The following NCAPG variants were observed in gnomAD, a reference collection of about 807,000 sequenced individuals.
The protein encoded by NCAPG is non-SMC condensin I complex subunit G.
A neutral mutation model predicts 113.1 loss-of-function variants in NCAPG; 69 were observed. The observed-to-expected ratio is 0.61, with a 90% confidence interval of 0.50 to 0.75. NCAPG has a LOEUF of 0.75. Among genes scored for constraint, NCAPG ranks in the 30% least tolerant of loss-of-function variants. The pLI is 0.00. For synonymous variants in NCAPG, 370 were observed against 415.8 expected, an observed-to-expected ratio of 0.89 and a Z score of 1.34; for missense variants, 1,058 against 1,177.0, an observed-to-expected ratio of 0.90 and a Z score of 1.48.
At chr4:17,832,892 G>T (rs1234430399) in intron 13 of NCAPG, among the ~76,000 whole-genome samples, 2 of 152,082 alleles carry the variant, frequency 1.3e-5, no homozygotes, top group African/African-American at 4.8e-5. Flanking sequence ...GTCCCGTGTT[G>T]CTTCATAATG....
chr4:17,812,810 A>G (rs1449613153), intron 2 of NCAPG, 107 bp from the exon 3 acceptor site: 1 of 904,500 alleles, frequency 1.1e-6, no homozygotes, highest in Non-Finnish European at 1.7e-6. Context: ...CAGGAAATGA[A>G]TTGTTGTTGT....
chr4:17,828,563 T>A (rs954345488), intron 12 of NCAPG, among the ~76,000 whole-genome samples, 175 bp downstream of exon 12: 5 of 152,156 alleles, frequency 3.3e-5, no homozygotes, highest in Non-Finnish European at 7.4e-5. Context: ...TTAAATAAGA[T>A]GTCTGTAAAG....
chr4:17,833,706 T>C (rs1227549390), intron 13 of NCAPG, among the ~76,000 whole-genome samples: 4 of 151,954 alleles, frequency 2.6e-5, no homozygotes, highest in African/African-American at 9.7e-5. Context: ...TTTTTAAACT[T>C]AAGATAGACT....
intron 13 of NCAPG, among the ~76,000 whole-genome samples, chr4:17,833,001 A>G (rs1721922493): frequency 6.6e-6 from 1 of 152,188 alleles, no homozygotes; most frequent in African/African-American, 2.4e-5. Context: ...TTCTCAATTC[A>G]TTATTTACAG....
In NCAPG at chr4:17,840,686, T is replaced by TAACA. The variant is rs1222328568; in HGVS notation, c.2848_2851dup (p.Arg951LysfsTer12). 13 of 1,534,132 alleles carry TAACA rather than the reference T, an allele frequency of 8.5e-6. No individual in the cohort carries two copies. Among genetic ancestry groups the TAACA allele is most frequent in the African/African-American group, 5.6e-5 (4 of 71,174 alleles). ...CATCAAAGTCTACTCAGCTAAAGAC[T>TAACA]AACAGAGGTAGTGTGTGGATTGACC... On this transcript the variant is annotated frameshift_variant, in exon 19 of 21. Coordinates refer to ENST00000251496, the MANE Select transcript of NCAPG (RefSeq NM_022346.5). LOFTEE classifies it high-confidence loss of function.
chr4:17,812,883 A>C, intron 2 of NCAPG, 34 bp from the exon 3 acceptor site: 1 of 1,552,716 alleles, frequency 6.4e-7, no homozygotes, highest in Non-Finnish European at 8.9e-7. Flanking sequence ...GTGGTATGTG[A>C]CTATGAATAA....
At chr4:17,832,128 A>G (rs1241249134) in intron 13 of NCAPG, among the ~76,000 whole-genome samples, 1 of 152,156 alleles carries the variant, frequency 6.6e-6, no homozygotes, top group East Asian at 1.9e-4. Context: ...CATGTAATAC[A>G]TTTTTTTAAA....
At chr4:17,837,458 T>C (rs1722149692) in intron 15 of NCAPG, 118 bp downstream of exon 15, 2 of 1,236,926 alleles carry the variant, frequency 1.6e-6, no homozygotes, top group Non-Finnish European at 2.2e-6. Flanking sequence ...AGTAGATAAA[T>C]GATGAAATGA....
At chr4:17,833,483 T>TA (rs10681402) in intron 13 of NCAPG, among the ~76,000 whole-genome samples, 5,638 of 134,032 alleles carry the variant, frequency 0.042, 371 homozygotes, top group African/African-American at 0.16. Context: ...TATATATATA[T>TA]TTTTGTTGTT....
chr4:17,840,060 T>C lies in NCAPG; in HGVS notation c.2629-11T>C. Reference sequence around the variant, plus strand: ...GTGTTTACAAAATGTTAATAATGTTTTCTTTTATAGCAAGTAAAAGATAGG... The same window carrying C: ...GTGTTTACAAAATGTTAATAATGTTCTCTTTTATAGCAAGTAAAAGATAGG... On this transcript the variant is annotated splice_polypyrimidine_tract_variant and intron_variant, in intron 17 of 20. Coordinates refer to ENST00000251496, the MANE Select transcript of NCAPG (RefSeq NM_022346.5). 1 of 1,591,250 alleles carries C rather than the reference T, an allele frequency of 6.3e-7. No homozygotes were observed. The highest frequency in any genetic ancestry group is 8.5e-7 in the Non-Finnish European group (1 of 1,172,162).
intron 14 of NCAPG, among the ~76,000 whole-genome samples, chr4:17,835,492 C>G (rs772897308): frequency 4.3e-4 from 65 of 152,096 alleles, no homozygotes; most frequent in Non-Finnish European, 7.5e-4. Context: ...GTGCCTGGCC[C>G]AAACTAATAC....
rs1722132349 is a variant in NCAPG, at chr4:17,837,144, T to G, written c.2110-15T>G. On this transcript the variant is annotated splice_polypyrimidine_tract_variant and intron_variant, in intron 14 of 20. Transcript: ENST00000251496. ...ATACAAATAAATTTCTTCTAATGAA[T>G]GTCATCTTTGTTAGGTATCTGAACT... 6.2e-7 allele frequency: 1 copy of G among 1,609,396 alleles called. No homozygotes were observed. Among genetic ancestry groups the G allele is most frequent in the African/African-American group, 1.3e-5 (1 of 74,706 alleles).
chr4:17,811,026 G>T lies in NCAPG; in HGVS notation c.-52G>T. ...GCGCTGCCTCTGGGTTGGCGGGCTG[G>T]CAGGCTGTAGCCGAGCGCGGGCAGG... On this transcript the variant is annotated 5_prime_UTR_variant, in exon 1 of 21. Transcript: ENST00000251496. The surrounding 1 kb of genome is among the most constrained non-coding windows in gnomAD (Gnocchi z 5.3). 8.4e-7 allele frequency: 1 copy of T among 1,195,366 alleles called. No homozygotes were observed. The highest frequency in any genetic ancestry group is 1.1e-6 in the Non-Finnish European group (1 of 879,136). The allele number at this position is 1,195,366 out of a possible 1,614,324, so 74.0% of individuals were successfully genotyped here.
chr4:17,819,942 A>G (rs1356090529), intron 7 of NCAPG, among the ~76,000 whole-genome samples: 3 of 152,190 alleles, frequency 2.0e-5, no homozygotes, highest in African/African-American at 7.2e-5. Context: ...GTGTGAATCT[A>G]ATGAGCATTT....
At position 17,842,352 on chromosome 4, in the gene NCAPG, G is replaced by A; in HGVS notation, c.2897G>A (p.Cys966Tyr). The A allele has an allele frequency of 6.2e-7, 1 of 1,612,200 alleles. No individual in the cohort carries two copies. The highest frequency in any genetic ancestry group is 8.5e-7 in the Non-Finnish European group (1 of 1,178,546). Residue 966 changes from cysteine (C) to tyrosine (Y), a missense_variant, in exon 20 of 21, where the codon TGT (cysteine) becomes TAT (tyrosine). Coordinates refer to ENST00000251496, the MANE Select transcript of NCAPG (RefSeq NM_022346.5). ...VTVSARTNRRCQTAEADSESD... is the reference protein window; with the variant it reads ...VTVSARTNRRYQTAEADSESD... ...GTTTCAGCTAGGACGAACAGGAGGT[G>A]TCAGACTGCTGAAGCCGACTCTGAA...
Position 17,817,424 on chromosome 4 carries a change from G to C in NCAPG, c.939G>C (p.Leu313=). 1 of 1,613,972 alleles carries C rather than the reference G, an allele frequency of 6.2e-7. No individual in the cohort carries two copies. Among genetic ancestry groups the C allele is most frequent in the Non-Finnish European group, 8.5e-7 (1 of 1,179,930 alleles). The change falls in exon 6 of 21, where the codon CTG becomes CTC. Residue 313 remains leucine (L), a synonymous_variant. Coordinates refer to ENST00000251496, the MANE Select transcript of NCAPG (RefSeq NM_022346.5). ...ALFSITPLSE[L]VGLCKNNDGR... is the part of the protein sequence containing the mutation. ...TTTCAATAACTCCTCTCAGTGAACT[G>C]GTGGGACTCTGTAAAAACAATGATG...
At chr4:17,812,581 T>C (rs1217347708) in intron 2 of NCAPG, among the ~76,000 whole-genome samples, 157 bp downstream of exon 2, 1 of 152,214 alleles carries the variant, frequency 6.6e-6, no homozygotes, top group African/African-American at 2.4e-5. Context: ...ATTATCATTA[T>C]GATTAAAAAG....
Position 17,811,611 on chromosome 4 carries a change from A to C in NCAPG, c.111+423A>C, listed in dbSNP as rs1720956954. 6.6e-6 allele frequency among the ~76,000 whole-genome samples: 1 copy of C among 152,198 alleles called. No individual in the cohort carries two copies. Among genetic ancestry groups the C allele is most frequent in the Non-Finnish European group, 1.5e-5 (1 of 68,036 alleles). On this transcript the variant is annotated intron_variant, in intron 1 of 20. Transcript: ENST00000251496. This position sits in a 1 kb window ranked among gnomAD's most constrained non-coding sequence, Gnocchi z 5.3. ...GGGTCATCGCTCCCCGCCGAACATC[A>C]AATGATTCTACCCTTGTCCTACGGT...
chr4:17,842,406 G>A (rs17585261), intron 20 of NCAPG, 27 bp downstream of exon 20: 725,826 of 1,581,588 alleles, frequency 0.46, 173,414 homozygotes, highest in East Asian at 0.78. Context: ...TAGAATATAT[G>A]GAGGCCTATC....
Sources: gnomAD v4.1 joint callset for allele counts (sites outside exome capture counted in the v4.1 genomes callset) on GRCh38, gnomAD v4.1.1 for gene constraint, Gnocchi (gnomAD v3.1) non-coding constraint, MANE v1.5 for transcripts, NCBI Gene and HGNC (gene_info 2026-07-23, HGNC 2026-07-21) for gene names.